NCAN: variants seen among roughly 807,000 people sequenced by gnomAD.
NCAN encodes the protein neurocan core protein.
Under a neutral mutation model 121.8 loss-of-function variants are expected in NCAN, and 47 were observed. The observed-to-expected ratio is 0.39, with a 90% CI of 0.31 to 0.49. The LOEUF (loss-of-function observed/expected upper bound fraction) is 0.49, where lower values mean the gene tolerates loss of function less well. Ranked by LOEUF, NCAN falls within the 20% of genes least tolerant of loss-of-function variation. The probability of loss-of-function intolerance (pLI) is 0.92; values close to 1 mark genes in which losing one functional copy is unlikely to be tolerated. For synonymous variants in NCAN, 633 were observed against 702.0 expected, an observed-to-expected ratio of 0.90 and a Z score of 1.55; for missense variants, 1,517 against 1,773.4, an observed-to-expected ratio of 0.86 and a Z score of 2.60.
intron 1 of NCAN, among the ~76,000 whole-genome samples, chr19:19,216,071 A>G (rs941139722): frequency 6.6e-6 from 1 of 152,214 alleles, no homozygotes; most frequent in Non-Finnish European, 1.5e-5. Flanking sequence ...AGGAACAGTG[A>G]GCCAATTCCA....
rs955525998 is a variant in NCAN, at chr19:19,251,964, T to C, written c.*2053T>C. The C allele has an allele frequency of 6.6e-6, 1 of 152,584 alleles. No individual in the cohort carries two copies. Among genetic ancestry groups the C allele is most frequent in the Non-Finnish European group, 1.5e-5 (1 of 68,062 alleles). The allele number at this position is 152,584 out of a possible 1,614,324, so 9.5% of individuals were successfully genotyped here. On this transcript the variant is annotated 3_prime_UTR_variant, in exon 15 of 15. Transcript: ENST00000252575. The stretch of plus-strand genomic sequence containing the variant: ...CCCTGCCCTTGAGCCCCTCAGCCGT[T>C]TGCCCTGCCCCCACCTCGGCTCCAT...
At chr19:19,232,248 G>A (rs2060862800) in intron 8 of NCAN, among the ~76,000 whole-genome samples, 1 of 152,216 alleles carries the variant, frequency 6.6e-6, no homozygotes, top group Admixed American at 6.5e-5. Context: ...AGATTGGCGG[G>A]CAGTGCTGGG....
At chr19:19,244,654 T>C (rs535128569) in intron 12 of NCAN, among the ~76,000 whole-genome samples, 1 of 151,582 alleles carries the variant, frequency 6.6e-6, no homozygotes, top group South Asian at 2.1e-4. Context: ...CATTGCCTCC[T>C]CAGGGAAGTC....
chr19:19,230,928 T>TGTGTGC (rs766182007), intron 8 of NCAN, among the ~76,000 whole-genome samples: 1 of 145,488 alleles, frequency 6.9e-6, no homozygotes, highest in African/African-American at 2.6e-5. Flanking sequence ...TGTGTGTGTG[T>TGTGTGC]AGAGATGGGG....
rs1339476112 is a variant in NCAN at position 19,233,908 on chromosome 19, G to T, written c.3136+3G>T. The T allele has an allele frequency of 6.4e-7, 1 of 1,569,718 alleles. No homozygotes were observed. Among genetic ancestry groups the T allele is most frequent in the Non-Finnish European group, 8.8e-7 (1 of 1,139,516 alleles). ...CGCCGGGGAGAACTGTGAGATTGGTGAGTACCCCAGACTCAGGATCTGAAT... is the reference window on the plus strand; with the variant it reads ...CGCCGGGGAGAACTGTGAGATTGGTTAGTACCCCAGACTCAGGATCTGAAT... On this transcript the variant is annotated splice_donor_region_variant and intron_variant, in intron 9 of 14. Coordinates refer to ENST00000252575, the MANE Select transcript of NCAN (RefSeq NM_004386.3).
intron 14 of NCAN, 29 bp downstream of exon 14, chr19:19,248,911 A>C: frequency 1.2e-6 from 2 of 1,607,794 alleles, no homozygotes; most frequent in Non-Finnish European, 1.7e-6. Flanking sequence ...AGATCTCAAC[A>C]TAGGTTTTTG....
chr19:19,234,949 G>C, intron 9 of NCAN, 34 bp from the exon 10 acceptor site: 1 of 1,439,008 alleles, frequency 6.9e-7, no homozygotes, highest in Non-Finnish European at 9.7e-7. Context: ...AGGGGAAGCT[G>C]ACCTCTAACT....
At chr19:19,242,297 G>T (rs1225994586) in intron 12 of NCAN, among the ~76,000 whole-genome samples, 1 of 152,104 alleles carries the variant, frequency 6.6e-6, no homozygotes, top group Non-Finnish European at 1.5e-5. Flanking sequence ...GCCAAAGTAG[G>T]AGGATCGCTG....
Position 19,227,026 on chromosome 19 carries a change from G to A in NCAN, c.1613G>A (p.Arg538Gln), listed in dbSNP as rs760345363. ...VTEMLGSGQS[R>Q]SPWADLTNEV... Reference sequence around the variant, plus strand: ...GAGATGTTGGGCAGTGGCCAGAGCCGGAGCCCCTGGGCTGATCTGACCAAT... The same window carrying A: ...GAGATGTTGGGCAGTGGCCAGAGCCAGAGCCCCTGGGCTGATCTGACCAAT... Residue 538 changes from arginine to glutamine, a missense_variant, in exon 7 of 15, where the codon CGG becomes CAG. Transcript: ENST00000252575. The surrounding 1 kb of genome is among the most constrained non-coding windows in gnomAD (Gnocchi z 4.2). The A allele has an allele frequency of 9.2e-6, 14 of 1,522,060 alleles. No homozygotes were observed. Among genetic ancestry groups the A allele is most frequent in the East Asian group, 2.3e-5 (1 of 44,054 alleles). 94.3% of individuals were successfully genotyped at this position (1,522,060 alleles called of 1,614,324 possible).
rs150784620 is a variant in NCAN, at chr19:19,226,632, C to G, written c.1219C>G (p.Pro407Ala). 1 of 1,613,906 alleles carries G rather than the reference C, an allele frequency of 6.2e-7. No homozygotes were observed. Among genetic ancestry groups the G allele is most frequent in the Non-Finnish European group, 8.5e-7 (1 of 1,179,996 alleles). The change falls in exon 7 of 15, where the codon CCT (proline) becomes GCT (alanine). Residue 407 changes from proline to alanine, a missense_variant. By Grantham distance (27) the Pro-to-Ala change is conservative (BLOSUM62 -1). Transcript: ENST00000252575. ...EEVVTPDFQE[P>A]LVSSGEEETL... ...GGTGGTCACCCCTGACTTCCAGGAG[C>G]CTCTGGTGTCCAGTGGGGAAGAAGA...
chr19:19,230,755 G>A (rs1239109893), intron 8 of NCAN, among the ~76,000 whole-genome samples: 2 of 146,214 alleles, frequency 1.4e-5, no homozygotes, highest in African/African-American at 5.1e-5. Flanking sequence ...TCCAGACAGG[G>A]TCTTGGTCAG....
At chr19:19,239,638 C>T (rs551048253) in intron 11 of NCAN, among the ~76,000 whole-genome samples, 1 of 107,724 alleles carries the variant, frequency 9.3e-6, no homozygotes, top group South Asian at 3.8e-4. Flanking sequence ...CCTTCCCTCC[C>T]CCTCCTCCTT....
chr19:19,217,850 G>GGT (rs2060801345), intron 2 of NCAN, among the ~76,000 whole-genome samples: 1 of 152,198 alleles, frequency 6.6e-6, no homozygotes, highest in South Asian at 2.1e-4. Context: ...AGCCAGGTGT[G>GGT]GTGGCACATG....
At position 19,225,219 on chromosome 19, in the gene NCAN, C is replaced by A. The variant is rs1286998866; in HGVS notation, c.1021C>A (p.Arg341=). 1 of 1,573,626 alleles carries A rather than the reference C, an allele frequency of 6.4e-7. No homozygotes were observed. The highest frequency in any genetic ancestry group is 1.8e-5 in the Admixed American group (1 of 56,840). Residue 341 remains arginine (R), a synonymous_variant, in exon 6 of 15, where the codon CGG becomes AGG. Transcript: ENST00000252575. This position sits in a 1 kb window ranked among gnomAD's most constrained non-coding sequence, Gnocchi z 4.0. ...GVRTVYRFAN[R]TGFPSPAERF... ...GCGCACCGTCTACCGCTTCGCTAAC[C>A]GGACCGGCTTCCCCTCACCCGCCGA... is the stretch of plus-strand genomic sequence containing the variant.
chr19:19,216,298 G>A (rs182205576), intron 1 of NCAN, among the ~76,000 whole-genome samples: 218 of 151,506 alleles, frequency 1.4e-3, no homozygotes, highest in African/African-American at 4.9e-3. Flanking sequence ...ACAGGTGTGC[G>A]CCACCAAGCC....
chr19:19,211,975 G>GGCTGGACCCGGCGCGGA lies in NCAN; in HGVS notation c.-91_-75dup, dbSNP rs1383791895. 1 of 195,736 alleles carries GGCTGGACCCGGCGCGGA rather than the reference G, an allele frequency of 5.1e-6. No homozygotes were observed. The highest frequency in any genetic ancestry group is 2.4e-5 in the African/African-American group (1 of 41,774). The allele number at this position is 195,736 out of a possible 1,614,324, so 12.1% of individuals were successfully genotyped here. A position where few individuals can be genotyped will look rare whatever the true frequency, so the allele number is the denominator to read the frequency against. ...GGGCCAGCGGAGCGCAGGGCGCAGG[G>GGCTGGACCCGGCGCGGA]GCTGGACCCGGCGCGGAGCTGGCTG... On this transcript the variant is annotated 5_prime_UTR_variant, in exon 1 of 15. Coordinates refer to ENST00000252575, the MANE Select transcript of NCAN (RefSeq NM_004386.3).
intron 3 of NCAN, among the ~76,000 whole-genome samples, chr19:19,220,949 G>A (rs1295741301): frequency 1.3e-5 from 2 of 151,780 alleles, no homozygotes; most frequent in Non-Finnish European, 2.9e-5. Flanking sequence ...CAAAAAACGG[G>A]GATGGGGGCC....
chr19:19,224,892 C>T, intron 5 of NCAN, 85 bp from the exon 6 acceptor site: 1 of 1,197,854 alleles, frequency 8.3e-7, no homozygotes, highest in Non-Finnish European at 1.1e-6. Flanking sequence ...ACGTCCAGGT[C>T]GGAACTATTT....
rs781335476 is a variant in NCAN, at chr19:19,227,088, G to C, written c.1660+15G>C. Reference sequence around the variant, plus strand: ...GCCTGGAGCTGGTGAGTTGCTCTGGGGGAGGCGGGACCTACCTGGGGATCT... The same window carrying C: ...GCCTGGAGCTGGTGAGTTGCTCTGGCGGAGGCGGGACCTACCTGGGGATCT... On this transcript the variant is annotated intron_variant, in intron 7 of 14. Transcript: ENST00000252575. The surrounding 1 kb of genome is among the most constrained non-coding windows in gnomAD (Gnocchi z 4.2). The C allele has an allele frequency of 1.8e-5, 27 of 1,506,014 alleles. No individual in the cohort carries two copies. The highest frequency in any genetic ancestry group is 2.2e-5 in the Non-Finnish European group (25 of 1,129,518). The allele number at this position is 1,506,014 out of a possible 1,614,324, so 93.3% of individuals were successfully genotyped here.
Sources: gnomAD v4.1 joint callset for allele counts (sites outside exome capture counted in the v4.1 genomes callset) on GRCh38, gnomAD v4.1.1 for gene constraint, Gnocchi (gnomAD v3.1) non-coding constraint, MANE v1.5 for transcripts, NCBI Gene and HGNC (gene_info 2026-07-23, HGNC 2026-07-21) for gene names.